The following CAPZB variants were observed in gnomAD, a reference collection of about 807,000 sequenced individuals.
CAPZB encodes F-actin-capping protein subunit beta.
CAPZB carries 2 observed loss-of-function variants against 38.1 expected under a neutral mutation model. That is an observed-to-expected ratio of 0.05 (90% CI 0.02 to 0.17). CAPZB has a LOEUF of 0.17. CAPZB is among the 10% of genes least tolerant of loss of function. The pLI is 1.00. For synonymous variants in CAPZB, 107 were observed against 127.4 expected, an observed-to-expected ratio of 0.84 and a Z score of 1.08; for missense variants, 161 against 334.2, an observed-to-expected ratio of 0.48 and a Z score of 4.04.
At chr1:19,370,580 C>T (rs1391723921) in intron 4 of CAPZB, among the ~76,000 whole-genome samples, 2 of 152,174 alleles carry the variant, frequency 1.3e-5, no homozygotes, top group African/African-American at 4.8e-5. Flanking sequence ...CTACCTAGCA[C>T]ATGGTGAAAT....
intron 1 of CAPZB, among the ~76,000 whole-genome samples, chr1:19,479,120 G>C (rs2094618308): frequency 6.6e-6 from 1 of 152,200 alleles, no homozygotes; most frequent in African/African-American, 2.4e-5. Flanking sequence ...TGAGGCAAGA[G>C]AATTCCCTGA....
intron 1 of CAPZB, among the ~76,000 whole-genome samples, chr1:19,443,131 A>C (rs922076062): frequency 2.6e-5 from 4 of 152,136 alleles, no homozygotes; most frequent in African/African-American, 9.7e-5. Flanking sequence ...TCACGCCTGT[A>C]ATCACAGCAC....
intron 2 of CAPZB, among the ~76,000 whole-genome samples, chr1:19,394,671 G>T (rs893691746): frequency 8.5e-5 from 13 of 152,082 alleles, no homozygotes; most frequent in African/African-American, 3.1e-4. Flanking sequence ...AGCAGAGATC[G>T]CGCCACAGCA....
intron 1 of CAPZB, among the ~76,000 whole-genome samples, chr1:19,454,249 C>T (rs148141172): frequency 0.015 from 2,347 of 152,324 alleles, 34 homozygotes; most frequent in Middle Eastern, 0.037. Context: ...TGATAATTCA[C>T]ACCTGCACTC....
chr1:19,421,502 C>T (rs2094401014), intron 1 of CAPZB, among the ~76,000 whole-genome samples: 2 of 152,214 alleles, frequency 1.3e-5, no homozygotes, highest in East Asian at 3.8e-4. Context: ...AAGAAAAACA[C>T]CACACCAGAA....
intron 4 of CAPZB, among the ~76,000 whole-genome samples, chr1:19,369,314 A>T (rs1224369527): frequency 6.6e-6 from 1 of 152,220 alleles, no homozygotes; most frequent in Non-Finnish European, 1.5e-5. Flanking sequence ...AGTGGTCACG[A>T]AAGAGCTGAA....
intron 6 of CAPZB, among the ~76,000 whole-genome samples, chr1:19,354,757 G>C (rs775832057): frequency 1.3e-5 from 2 of 152,196 alleles, no homozygotes; most frequent in Non-Finnish European, 2.9e-5. Flanking sequence ...AAACCGGGTG[G>C]AATTATCAAC....
rs1456992800 is a variant in CAPZB, at chr1:19,338,785, CCA to C, written c.*743_*744del. 1 of 152,554 alleles carries C rather than the reference CCA, an allele frequency of 6.6e-6. No individual in the cohort carries two copies. The highest frequency in any genetic ancestry group is 1.5e-5 in the Non-Finnish European group (1 of 68,066). 9.5% of individuals were successfully genotyped at this position (152,554 alleles called of 1,614,324 possible). On this transcript the variant is annotated 3_prime_UTR_variant, in exon 9 of 9. Transcript: ENST00000264202. ...ACAGAAGGCCAGCGCTAACTGCGCC[CCA>C]GTTTCTTTTTATTGATTTCTTTTCT...
In CAPZB at chr1:19,472,571, G is replaced by A. The variant is rs371716316; in HGVS notation, c.3+12865C>T. Among the ~76,000 whole-genome samples, 7 of 152,114 alleles carry A rather than the reference G, an allele frequency of 4.6e-5. No homozygotes were observed. The East Asian group carries it at 5.8e-4, about 13-fold the overall frequency. On this transcript the variant is annotated intron_variant, in intron 1 of 8. Transcript: ENST00000264202. ...GTGTGCAGAGAAGAGGAGGAGAAAG[G>A]GAAGTGAGGGGCAGGACTATGCAGT... is the stretch of plus-strand genomic sequence containing the variant.
At chr1:19,394,547 G>C (rs10799806) in intron 2 of CAPZB, among the ~76,000 whole-genome samples, 97,625 of 151,906 alleles carry the variant, frequency 0.64, 31,550 homozygotes, top group African/African-American at 0.71. Context: ...ATAGTGAAAC[G>C]CTGTTTCTAC....
chr1:19,374,230 G>A (rs1159911963), intron 4 of CAPZB: 1 of 152,304 alleles, frequency 6.6e-6, no homozygotes, highest in Admixed American at 6.5e-5. Context: ...TGTGAGCAAA[G>A]TCCAGTGTGA....
At chr1:19,372,455 T>G (rs569747376) in intron 4 of CAPZB, among the ~76,000 whole-genome samples, 140 of 152,266 alleles carry the variant, frequency 9.2e-4, no homozygotes, top group African/African-American at 3.1e-3. Flanking sequence ...AGACTTGATG[T>G]GAAAGCTGGA....
At chr1:19,432,195 C>T (rs894540909) in intron 1 of CAPZB, among the ~76,000 whole-genome samples, 2 of 152,018 alleles carry the variant, frequency 1.3e-5, no homozygotes, top group East Asian at 3.9e-4. Context: ...GTAATCCCAG[C>T]ACTTTGGGAG....
chr1:19,448,930 G>GT, intron 1 of CAPZB: 1 of 1,612,810 alleles, frequency 6.2e-7, no homozygotes, highest in East Asian at 2.2e-5. Context: ...GAGGTGATGG[G>GT]TTAATAACAA....
At chr1:19,437,745 C>T (rs2094462855) in intron 1 of CAPZB, among the ~76,000 whole-genome samples, 1 of 152,126 alleles carries the variant, frequency 6.6e-6, no homozygotes, top group African/African-American at 2.4e-5. Flanking sequence ...ACCAGGGACC[C>T]CAGCAAAGCG....
chr1:19,355,494 CAA>C (rs11455973), intron 6 of CAPZB, among the ~76,000 whole-genome samples: 15 of 102,760 alleles, frequency 1.5e-4, no homozygotes, highest in Admixed American at 2.0e-4. Flanking sequence ...GACTCCGTCT[CAA>C]AAAAAAAAAA....
intron 1 of CAPZB, among the ~76,000 whole-genome samples, chr1:19,447,158 T>G (rs559253994): frequency 6.6e-6 from 1 of 152,234 alleles, no homozygotes; most frequent in East Asian, 1.9e-4. Flanking sequence ...CTATCATCCT[T>G]CTGCAGAGAA....
intron 6 of CAPZB, among the ~76,000 whole-genome samples, chr1:19,345,681 C>A (rs1249278402): frequency 6.6e-6 from 1 of 152,284 alleles, no homozygotes; most frequent in Non-Finnish European, 1.5e-5. Context: ...AGCTTCTGTG[C>A]TGCTGCTGCG....
chr1:19,427,602 C>G (rs544201403), intron 1 of CAPZB, among the ~76,000 whole-genome samples: 2 of 152,106 alleles, frequency 1.3e-5, no homozygotes, highest in South Asian at 4.1e-4. Flanking sequence ...GACCACTCAT[C>G]TTTAGGTCAC....
Sources: allele counts gnomAD v4.1 joint callset (sites outside exome capture counted in the v4.1 genomes callset), GRCh38; gene constraint gnomAD v4.1.1; transcripts MANE v1.5; gene names NCBI Gene and HGNC (gene_info 2026-07-23, HGNC 2026-07-21).